VASP: variants seen among roughly 807,000 people sequenced by gnomAD.
VASP encodes the protein vasodilator stimulated phosphoprotein, also known as vasodilator-stimulated phosphoprotein.
In VASP, 27 loss-of-function variants were observed where a neutral mutation model predicts 54.4. The observed-to-expected ratio is 0.50, with a 90% CI of 0.37 to 0.68. The LOEUF is 0.68. Among genes scored for constraint, VASP ranks in the 30% least tolerant of loss-of-function variants. The pLI, the probability that VASP is intolerant of heterozygous loss-of-function variation, is 0.00. For missense variants in VASP, 488 were observed against 528.3 expected (o/e 0.92, Z 0.75); for synonymous variants, 233 against 209.8 (o/e 1.11, Z -0.96).
intron 11 of VASP, 66 bp from the exon 12 acceptor site, chr19:45,525,875 TAAAAG>T (rs1393354908): frequency 2.7e-6 from 4 of 1,491,702 alleles, no homozygotes; most frequent in East Asian, 4.5e-5. Flanking sequence ...TCTCAAAAAA[TAAAAG>T]AAGGGGGATT....
At chr19:45,519,817 G>A (rs1599935624) in intron 3 of VASP, among the ~76,000 whole-genome samples, 1 of 144,862 alleles carries the variant, frequency 6.9e-6, no homozygotes, top group East Asian at 2.1e-4. Context: ...GGATGGTCTC[G>A]ATCTCCTGAC....
In VASP at chr19:45,517,708, T is replaced by C. The variant is rs770634580; in HGVS notation, c.51T>C (p.Asp17=). 10 of 1,612,410 alleles carry C rather than the reference T, an allele frequency of 6.2e-6. No homozygotes were observed. In the African/African-American group the frequency reaches 1.3e-4, roughly 22 times the overall value. Residue 17 remains aspartate, a synonymous_variant, in exon 2 of 13, where the codon GAT becomes GAC. Coordinates refer to ENST00000245932, the MANE Select transcript of VASP (RefSeq NM_003370.4). ...CSSRATVMLY[D]DGNKRWLPAG... Reference sequence around the variant, plus strand: ...GCCGGGCCACTGTGATGCTTTATGATGATGGCAACAAGCGATGGCTCCCTG... The same window carrying C: ...GCCGGGCCACTGTGATGCTTTATGACGATGGCAACAAGCGATGGCTCCCTG...
At chr19:45,525,912 C>T in intron 11 of VASP, 34 bp from the exon 12 acceptor site, 1 of 1,593,202 alleles carries the variant, frequency 6.3e-7, no homozygotes. Flanking sequence ...GTCCCGGTAC[C>T]CCCTCCTGAT....
chr19:45,526,324 G>T lies in VASP; in HGVS notation c.*147G>T. ...CCCATCCCACTTGGAAAACTCCAAGGGGGTGTGGCTTCCCTGCTCACACCC... is the reference window on the plus strand; with the variant it reads ...CCCATCCCACTTGGAAAACTCCAAGTGGGTGTGGCTTCCCTGCTCACACCC... On this transcript the variant is annotated 3_prime_UTR_variant, in exon 13 of 13. Transcript: ENST00000245932. 5.0e-6 allele frequency: 5 copies of T among 1,007,756 alleles called. No individual in the cohort carries two copies. Among genetic ancestry groups the T allele is most frequent in the Non-Finnish European group, 6.9e-6 (5 of 719,426 alleles). The allele number at this position is 1,007,756 out of a possible 1,614,324, so 62.4% of individuals were successfully genotyped here. A position where few individuals can be genotyped will look rare whatever the true frequency, so the allele number is the denominator to read the frequency against.
chr19:45,518,137 G>A, intron 3 of VASP, 43 bp downstream of exon 3: 3 of 1,594,316 alleles, frequency 1.9e-6, no homozygotes, highest in East Asian at 2.2e-5. Context: ...GAATGCGGCT[G>A]TGTGGCCTGG....
intron 7 of VASP, 73 bp downstream of exon 7, chr19:45,522,891 AT>A: frequency 7.1e-7 from 1 of 1,415,280 alleles, no homozygotes. Context: ...GAGGGCTCCA[AT>A]TCCTGTTTAG....
At chr19:45,525,887 G>A (rs1968951845) in intron 11 of VASP, 59 bp from the exon 12 acceptor site, 1 of 1,523,484 alleles carries the variant, frequency 6.6e-7, no homozygotes, top group Non-Finnish European at 9.0e-7. Flanking sequence ...AAAGAAGGGG[G>A]ATTCATTCCT....
intron 7 of VASP, among the ~76,000 whole-genome samples, chr19:45,523,340 T>G (rs1045287473): frequency 6.6e-6 from 1 of 151,658 alleles, no homozygotes; most frequent in South Asian, 2.1e-4. Context: ...GTAGCCGGGA[T>G]TACAGGCATG....
intron 1 of VASP, among the ~76,000 whole-genome samples, chr19:45,513,530 G>C (rs949284732): frequency 2.1e-5 from 3 of 144,028 alleles, no homozygotes; most frequent in African/African-American, 7.9e-5. Context: ...GGAGTGCAGT[G>C]GTCTGAGATC....
chr19:45,524,813 A>G, intron 11 of VASP, 153 bp downstream of exon 11: 1 of 649,828 alleles, frequency 1.5e-6, no homozygotes, highest in Non-Finnish European at 2.6e-6. Context: ...GATGACCGAG[A>G]CTCCACACCC....
In VASP at chr19:45,517,664, G is replaced by A. The variant is rs750566537; in HGVS notation, c.7G>A (p.Glu3Lys). The A allele has an allele frequency of 3.1e-6, 5 of 1,607,438 alleles. No individual in the cohort carries two copies. Among genetic ancestry groups the A allele is most frequent in the South Asian group, 1.1e-5 (1 of 91,064 alleles). The change falls in exon 2 of 13, where the codon GAG becomes AAG. Residue 3 changes from glutamate (E) to lysine (K), a missense_variant and splice_region_variant. By Grantham distance (56) the Glu-to-Lys change is moderately conservative. This residue lies in a region of VASP where 127 missense variants were observed against 170.7 expected (regional missense o/e 0.74). Coordinates refer to ENST00000245932, the MANE Select transcript of VASP (RefSeq NM_003370.4). MS[E>K]TVICSSRATV... Reference sequence around the variant, plus strand: ...TCTCCCTTTTCCTCCCGCCTGCAGCGAGACGGTCATCTGTTCCAGCCGGGC... The same window carrying A: ...TCTCCCTTTTCCTCCCGCCTGCAGCAAGACGGTCATCTGTTCCAGCCGGGC...
rs750711575 is a variant in VASP at position 45,510,932 on chromosome 19, C to CAAAA, written c.5+3169_5+3172dup. ...TGGGTGACAAAGTGAGACCCTGTCT[C>CAAAA]AAAAAAAAAAAAAAAATAGAGATAA... is the stretch of plus-strand genomic sequence containing the variant. On this transcript the variant is annotated intron_variant, in intron 1 of 12. Transcript: ENST00000245932. 2.8e-4 allele frequency among the ~76,000 whole-genome samples: 30 copies of CAAAA among 108,962 alleles called. 1 individual carries two copies. Among genetic ancestry groups the CAAAA allele is most frequent in the Middle Eastern group, 5.4e-3 (1 of 186 alleles). The allele number at this position is 108,962 out of a possible 152,430, so 71.5% of individuals were successfully genotyped here. A position where few individuals can be genotyped will look rare whatever the true frequency, so the allele number is the denominator to read the frequency against.
chr19:45,523,189 AATTTTTTTTTT>A (rs903945605), intron 7 of VASP, among the ~76,000 whole-genome samples: 9 of 106,970 alleles, frequency 8.4e-5, no homozygotes, highest in Non-Finnish European at 8.9e-5. Context: ...CAATCTCTTG[AATTTTTTTTTT>A]TTTTTTTTTT....
Position 45,523,189 on chromosome 19 carries a change from A to ATTTTTTTTT in VASP, c.821+371_821+372insTTTTTTTTT, listed in dbSNP as rs1568390471. 1.4e-3 allele frequency among the ~76,000 whole-genome samples: 146 copies of ATTTTTTTTT among 106,972 alleles called. 18 individuals carry two copies. The highest frequency in any genetic ancestry group is 2.4e-3 in the East Asian group (7 of 2,970). 70.2% of individuals were successfully genotyped at this position (106,972 alleles called of 152,430 possible). The stretch of plus-strand genomic sequence containing the variant: ...CTGATTCTAGAACCACAATCTCTTG[A>ATTTTTTTTT]ATTTTTTTTTTTTTTTTTTTTTTTT... On this transcript the variant is annotated intron_variant, in intron 7 of 12. Coordinates refer to ENST00000245932, the MANE Select transcript of VASP (RefSeq NM_003370.4).
chr19:45,523,926 C>T (rs1336817404), intron 9 of VASP, 49 bp downstream of exon 9: 2 of 1,612,426 alleles, frequency 1.2e-6, no homozygotes, highest in Non-Finnish European at 1.7e-6. Context: ...TCCCAGAATA[C>T]TCTGTTCTCA....
At chr19:45,515,520 G>A (rs1968684172) in intron 1 of VASP, among the ~76,000 whole-genome samples, 1 of 152,142 alleles carries the variant, frequency 6.6e-6, no homozygotes, top group Admixed American at 6.6e-5. Flanking sequence ...TGTGCTGGAC[G>A]CTGTACCAAG....
Position 45,522,510 on chromosome 19 carries a change from G to C in VASP, c.649G>C (p.Gly217Arg). 1 of 1,458,260 alleles carries C rather than the reference G, an allele frequency of 6.9e-7. No homozygotes were observed. The highest frequency in any genetic ancestry group is 9.0e-7 in the Non-Finnish European group (1 of 1,109,650). 90.3% of individuals were successfully genotyped at this position (1,458,260 alleles called of 1,614,324 possible). A position where few individuals can be genotyped will look rare whatever the true frequency, so the allele number is the denominator to read the frequency against. Residue 217 changes from glycine to arginine, a missense_variant, in exon 6 of 13, where the codon GGT (glycine) becomes CGT (arginine). Around this residue, in one of 4 missense-constraint regions of VASP, gnomAD observed 226 missense variants for 196.0 expected, o/e 1.15. Transcript: ENST00000245932. ...CCCTCTCCCGGCAGCACAGGGCCCT[G>C]GTGGTGGGGGAGCTGGGGCCCCAGG... ...APPLPAAQGP[G>R]GGGAGAPGLA...
chr19:45,509,115 T>C (rs1968548159), intron 1 of VASP, among the ~76,000 whole-genome samples: 1 of 152,204 alleles, frequency 6.6e-6, no homozygotes, highest in Non-Finnish European at 1.5e-5. Context: ...CCCCTGCCCT[T>C]TGACATCGGA....
At chr19:45,524,465 C>T (rs1480631171) in intron 10 of VASP, 105 bp from the exon 11 acceptor site, 81 of 1,198,258 alleles carry the variant, frequency 6.8e-5, no homozygotes, top group Non-Finnish European at 9.9e-5. Context: ...CTTGGACTTG[C>T]CCAATTTATA....
Sources: gnomAD v4.1 joint callset for allele counts (sites outside exome capture counted in the v4.1 genomes callset) on GRCh38, gnomAD v4.1.1 for gene constraint, gnomAD v4.1.1 regional missense constraint, MANE v1.5 for transcripts, NCBI Gene and HGNC (gene_info 2026-07-23, HGNC 2026-07-21) for gene names.